Variants in HYAL4 observed in about 807,000 individuals in gnomAD.
HYAL4 encodes hyaluronidase 4, also known as hyaluronidase-4.
Under a neutral mutation model 35.2 loss-of-function variants are expected in HYAL4, and 37 were observed. The ratio of observed to expected loss-of-function variants is 1.05; its 90% CI spans 0.81 to 1.38. The LOEUF (loss-of-function observed/expected upper bound fraction) is 1.38, where lower values mean the gene tolerates loss of function less well. Among genes scored for constraint, HYAL4 ranks in the 40% most tolerant of loss-of-function variants. The probability of loss-of-function intolerance (pLI) is 0.00; values close to 1 mark genes in which losing one functional copy is unlikely to be tolerated. For missense variants in HYAL4, 572 were observed against 572.4 expected, an observed-to-expected ratio of 1.00 and a Z score of 0.01; for synonymous variants, 198 against 203.2, an observed-to-expected ratio of 0.97 and a Z score of 0.22.
At chr7:123,855,934 T>TG (rs1424831160) in intron 2 of HYAL4, among the ~76,000 whole-genome samples, 8 of 152,068 alleles carry the variant, frequency 5.3e-5, no homozygotes, top group African/African-American at 1.9e-4. Context: ...TCTTCACACT[T>TG]TATTTCATTC....
upstream of HYAL4, among the ~76,000 whole-genome samples, chr7:123,842,174 C>A (rs1001871029): frequency 5.9e-5 from 9 of 152,032 alleles, no homozygotes; most frequent in African/African-American, 2.2e-4. Flanking sequence ...TTAAATGTGT[C>A]CCAGAGATTC....
upstream of HYAL4, among the ~76,000 whole-genome samples, chr7:123,825,390 A>G (rs1253934805): frequency 6.6e-6 from 1 of 152,150 alleles, no homozygotes; most frequent in Non-Finnish European, 1.5e-5. Flanking sequence ...ATCACATCCA[A>G]GAGGCTGACA....
At chr7:123,794,413 G>T in the HYAL4 span, among the ~76,000 whole-genome samples, 4 of 152,162 alleles carry the variant, frequency 2.6e-5, no homozygotes, top group Admixed American at 2.6e-4. Flanking sequence ...AGGGCATGTC[G>T]AGACCTTTGT....
intron 2 of HYAL4, among the ~76,000 whole-genome samples, chr7:123,855,255 C>A (rs146752331): frequency 6.6e-6 from 1 of 152,078 alleles, no homozygotes; most frequent in South Asian, 2.1e-4. Context: ...ATGATGCTAG[C>A]TGGTTATTTT....
At chr7:123,765,888 A>G in the HYAL4 span, among the ~76,000 whole-genome samples, 11,325 of 152,164 alleles carry the variant, frequency 0.074, 461 homozygotes, top group East Asian at 0.11. Context: ...GGATATGTTT[A>G]TTCTCTGGAT....
chr7:123,818,049 G>A, the HYAL4 span, among the ~76,000 whole-genome samples: 2 of 151,708 alleles, frequency 1.3e-5, no homozygotes, highest in Admixed American at 1.3e-4. Flanking sequence ...GGCTATTTTT[G>A]TATTTTTAGT....
intron 2 of HYAL4, among the ~76,000 whole-genome samples, chr7:123,857,911 T>C (rs927886235): frequency 2.0e-5 from 3 of 152,028 alleles, no homozygotes; most frequent in Non-Finnish European, 2.9e-5. Context: ...GGAATGTCTA[T>C]GTAGATCAAG....
At chr7:123,778,577 G>A in the HYAL4 span, among the ~76,000 whole-genome samples, 1 of 151,464 alleles carries the variant, frequency 6.6e-6, no homozygotes, top group African/African-American at 2.4e-5. Context: ...GTCTTTTGAT[G>A]TGAGTTTCCT....
chr7:123,800,476 TA>T, the HYAL4 span, among the ~76,000 whole-genome samples: 4,405 of 120,292 alleles, frequency 0.037, 114 homozygotes, highest in African/African-American at 0.091. Context: ...GCCTGAAAAT[TA>T]AAAAAAAAAA....
At chr7:123,844,080 CT>C (rs1806124738), upstream of HYAL4, among the ~76,000 whole-genome samples, 2 of 152,180 alleles carry the variant, frequency 1.3e-5, no homozygotes, top group African/African-American at 4.8e-5. Context: ...AAAAGGCATT[CT>C]GATTTTTAGA....
chr7:123,774,436 C>CT, the HYAL4 span, among the ~76,000 whole-genome samples: 283 of 147,064 alleles, frequency 1.9e-3, 3 homozygotes, highest in Admixed American at 0.014. Flanking sequence ...GTCAATTTTC[C>CT]TTTTTTTTTT....
chr7:123,852,629 G>T (rs1806335682), intron 2 of HYAL4, among the ~76,000 whole-genome samples: 1 of 152,078 alleles, frequency 6.6e-6, no homozygotes, highest in Non-Finnish European at 1.5e-5. Context: ...ATGCTGTTTT[G>T]GTTACTGTAG....
chr7:123,780,876 C>T, the HYAL4 span, among the ~76,000 whole-genome samples: 1 of 121,010 alleles, frequency 8.3e-6, no homozygotes, highest in African/African-American at 3.5e-5. Flanking sequence ...GCAGCACGCT[C>T]CTTAAGAGTC....
chr7:123,769,143 A>G, the HYAL4 span, among the ~76,000 whole-genome samples: 2,001 of 152,180 alleles, frequency 0.013, 44 homozygotes, highest in African/African-American at 0.046. Flanking sequence ...TTTTTTTCCT[A>G]AGTAGAATTA....
At chr7:123,775,445 A>C in the HYAL4 span, among the ~76,000 whole-genome samples, 1 of 152,054 alleles carries the variant, frequency 6.6e-6, no homozygotes, top group South Asian at 2.1e-4. Context: ...AAAGAAAAAA[A>C]AATGAAAGAA....
the HYAL4 span, among the ~76,000 whole-genome samples, chr7:123,782,801 T>A: frequency 6.6e-6 from 1 of 152,152 alleles, no homozygotes; most frequent in African/African-American, 2.4e-5. Flanking sequence ...ATAATAAATG[T>A]TTTTAACTTA....
chr7:123,825,585 A>G (rs1311374675), upstream of HYAL4, among the ~76,000 whole-genome samples: 1 of 152,146 alleles, frequency 6.6e-6, no homozygotes, highest in African/African-American at 2.4e-5. Flanking sequence ...TAGGGTGGAT[A>G]TAGTCACACC....
At chr7:123,873,037 C>A (rs1015044916) in intron 3 of HYAL4, among the ~76,000 whole-genome samples, 5 of 152,122 alleles carry the variant, frequency 3.3e-5, no homozygotes, top group Admixed American at 3.3e-4. Context: ...CCTGATCATA[C>A]CATGTGACTA....
chr7:123,867,411 G>A (rs1179344181), intron 2 of HYAL4, among the ~76,000 whole-genome samples: 1 of 152,110 alleles, frequency 6.6e-6, no homozygotes, highest in African/African-American at 2.4e-5. Flanking sequence ...TGAGGCATCT[G>A]GTGTCTCATT....
Sources: allele counts gnomAD v4.1 joint callset (sites outside exome capture counted in the v4.1 genomes callset), GRCh38; gene constraint gnomAD v4.1.1; transcripts MANE v1.5; gene names NCBI Gene and HGNC (gene_info 2026-07-23, HGNC 2026-07-21).